The following LY75 variants were observed in gnomAD, a reference collection of about 807,000 sequenced individuals.
LY75 encodes lymphocyte antigen 75.
Under a neutral mutation model 231.7 loss-of-function variants are expected in LY75, and 185 were observed. That is an observed-to-expected ratio of 0.80 (90% CI 0.71 to 0.90). LY75 has a LOEUF of 0.90. LY75 is among the 40% of genes least tolerant of loss of function. The probability of loss-of-function intolerance (pLI) is 0.00; values close to 1 mark genes in which losing one functional copy is unlikely to be tolerated. For missense variants in LY75, 1,947 were observed against 2,050.2 expected, an observed-to-expected ratio of 0.95 and a Z score of 0.97; for synonymous variants, 668 against 689.0, an observed-to-expected ratio of 0.97 and a Z score of 0.48.
intron 14 of LY75, among the ~76,000 whole-genome samples, chr2:159,862,659 C>A (rs1031656092): frequency 3.8e-5 from 5 of 130,774 alleles, no homozygotes; most frequent in African/African-American, 1.3e-4. Flanking sequence ...TTGTATGATA[C>A]GTGAATGTAT....
chr2:159,809,095 A>G (rs1330057145), intron 32 of LY75, among the ~76,000 whole-genome samples: 1 of 152,250 alleles, frequency 6.6e-6, no homozygotes, highest in Non-Finnish European at 1.5e-5. Context: ...ATAAAACCGA[A>G]TGGTTCCCAC....
chr2:159,892,598 C>T (rs1199366363), intron 3 of LY75, among the ~76,000 whole-genome samples: 1 of 152,152 alleles, frequency 6.6e-6, no homozygotes, highest in Non-Finnish European at 1.5e-5. Flanking sequence ...GGAGCTCTTT[C>T]CTTTCTCTTT....
At position 159,877,667 on chromosome 2, in the gene LY75, C is replaced by T. The variant is rs547578463; in HGVS notation, c.1774+657G>A. Among the ~76,000 whole-genome samples the T allele has an allele frequency of 1.0e-3, 158 of 152,068 alleles. 1 individual carries two copies. The highest frequency in any genetic ancestry group is 3.1e-3 in the African/African-American group (129 of 41,450). On this transcript the variant is annotated intron_variant, in intron 11 of 34. Transcript: ENST00000263636. ...GATGGATTACTTGGGGTCAGGAGAT[C>T]GAGACCAGCCTGGCCAACATGTTAA...
In LY75 at chr2:159,878,652, T is replaced by C. The variant is rs775157088; in HGVS notation, c.1585A>G (p.Asn529Asp). Reference protein sequence around the residue: ...EDEVPFGTNCNLTITSRFEQE... With the variant: ...EDEVPFGTNCDLTITSRFEQE... Reference sequence around the variant, plus strand: ...TCACACCTGCTAGTGATAGTCAGATTGCAGTTTGTTCCAAAAGGGACCTCA... The same window carrying C: ...TCACACCTGCTAGTGATAGTCAGATCGCAGTTTGTTCCAAAAGGGACCTCA... The change falls in exon 10 of 35, where the codon AAT becomes GAT. Residue 529 changes from asparagine to aspartate, a missense_variant. Coordinates refer to ENST00000263636, the MANE Select transcript of LY75 (RefSeq NM_002349.4). 4 of 1,614,010 alleles carry C rather than the reference T, an allele frequency of 2.5e-6. No homozygotes were observed. Among genetic ancestry groups the C allele is most frequent in the Non-Finnish European group, 2.5e-6 (3 of 1,179,934 alleles).
chr2:159,835,693 C>T (rs1683799646), intron 25 of LY75, 48 bp from the exon 26 acceptor site: 1 of 1,588,014 alleles, frequency 6.3e-7, no homozygotes, highest in Non-Finnish European at 8.5e-7. Flanking sequence ...GATGTTAACC[C>T]TTTGTATTAT....
At chr2:159,821,556 C>T (rs1683289777) in intron 28 of LY75, among the ~76,000 whole-genome samples, 1 of 146,704 alleles carries the variant, frequency 6.8e-6, no homozygotes, top group Non-Finnish European at 1.5e-5. Flanking sequence ...GCAGAGGTAG[C>T]AGTGAGCCAA....
chr2:159,876,499 G>A (rs985395572), intron 11 of LY75, among the ~76,000 whole-genome samples: 1 of 152,032 alleles, frequency 6.6e-6, no homozygotes, highest in South Asian at 2.1e-4. Context: ...ACCCTGAATG[G>A]GTGTGCTATT....
intron 13 of LY75, among the ~76,000 whole-genome samples, chr2:159,866,256 G>A (rs1298215959): frequency 1.3e-5 from 2 of 152,000 alleles, no homozygotes; most frequent in Non-Finnish European, 2.9e-5. Flanking sequence ...TGAATCAAAG[G>A]CTGAAACAAA....
chr2:159,898,274 C>T (rs927567144), intron 2 of LY75, among the ~76,000 whole-genome samples: 4 of 152,072 alleles, frequency 2.6e-5, no homozygotes, highest in Non-Finnish European at 5.9e-5. Flanking sequence ...ACCACTACGC[C>T]TGACCTTTCT....
intron 2 of LY75, 126 bp from the exon 3 acceptor site, chr2:159,894,210 C>T (rs1685842831): frequency 8.3e-7 from 1 of 1,203,202 alleles, no homozygotes; most frequent in Non-Finnish European, 1.1e-6. Flanking sequence ...TGTAGGAATT[C>T]AGAGCATGGG....
chr2:159,853,846 T>C, intron 18 of LY75, 149 bp from the exon 19 acceptor site: 1 of 1,032,734 alleles, frequency 9.7e-7, no homozygotes, highest in East Asian at 2.6e-5. Flanking sequence ...CTAGAACCTT[T>C]TGCCAAAGAG....
At position 159,879,164 on chromosome 2, in the gene LY75, A is replaced by G. The variant is rs545882977; in HGVS notation, c.1515+95T>C. On this transcript the variant is annotated intron_variant, in intron 9 of 34. Transcript: ENST00000263636. The stretch of plus-strand genomic sequence containing the variant: ...TGAACAGAAGCTAGTAGTTTCCTCT[A>G]TTTTATAAGTCTGAGTTATTTAAGT... 7.0e-5 allele frequency: 97 copies of G among 1,379,360 alleles called. 1 individual carries two copies. The East Asian group carries it at 2.1e-3, about 30-fold the overall frequency. The allele number at this position is 1,379,360 out of a possible 1,614,324, so 85.4% of individuals were successfully genotyped here. A position where few individuals can be genotyped will look rare whatever the true frequency, so the allele number is the denominator to read the frequency against.
rs776817023 is a variant in LY75 at position 159,815,524 on chromosome 2, A to C, written c.4430T>G (p.Ile1477Ser). ...EWSDGSTFDY[I>S]PWKGQTSPGN... ...AGGAGATGTTTGGCCTTTCCATGGGATATAGTCAAATGTACTACCATCAGA... is the reference window on the plus strand; with the variant it reads ...AGGAGATGTTTGGCCTTTCCATGGGCTATAGTCAAATGTACTACCATCAGA... The change falls in exon 31 of 35, where the codon ATC becomes AGC. Residue 1477 changes from isoleucine (I) to serine (S), a missense_variant. By Grantham distance (142) the Ile-to-Ser change is moderately radical (BLOSUM62 -2). Coordinates refer to ENST00000263636, the MANE Select transcript of LY75 (RefSeq NM_002349.4). 6.2e-7 allele frequency: 1 copy of C among 1,613,906 alleles called. No homozygotes were observed. The highest frequency in any genetic ancestry group is 1.1e-5 in the South Asian group (1 of 91,060).
intron 15 of LY75, among the ~76,000 whole-genome samples, chr2:159,859,768 T>A (rs1024396788): frequency 9.8e-5 from 15 of 152,308 alleles, no homozygotes; most frequent in Non-Finnish European, 1.3e-4. Context: ...GTGAGATGAA[T>A]ACAGTAACAG....
intron 31 of LY75, chr2:159,812,416 TTG>T (rs1377367421): frequency 6.6e-6 from 1 of 152,120 alleles, no homozygotes; most frequent in Non-Finnish European, 1.5e-5. Context: ...CATTTTGGTT[TTG>T]TTTTGTTTTT....
intron 5 of LY75, among the ~76,000 whole-genome samples, chr2:159,885,758 T>C (rs1685565013): frequency 6.6e-6 from 1 of 152,206 alleles, no homozygotes; most frequent in African/African-American, 2.4e-5. Flanking sequence ...CTAAAGTGGC[T>C]AATTTGAATT....
At chr2:159,829,128 C>T (rs1396083358) in intron 28 of LY75, among the ~76,000 whole-genome samples, 1 of 152,202 alleles carries the variant, frequency 6.6e-6, no homozygotes, top group Non-Finnish European at 1.5e-5. Flanking sequence ...GATGCCATCA[C>T]TACCTACACA....
intron 13 of LY75, among the ~76,000 whole-genome samples, chr2:159,870,232 G>A (rs1007080623): frequency 1.3e-5 from 2 of 152,058 alleles, no homozygotes; most frequent in African/African-American, 2.4e-5. Flanking sequence ...AAGGTGAATC[G>A]CTTGAGCCAG....
chr2:159,812,783 C>T (rs1683001298), intron 31 of LY75, among the ~76,000 whole-genome samples: 1 of 152,148 alleles, frequency 6.6e-6, no homozygotes, highest in African/African-American at 2.4e-5. Context: ...ATCACCACCA[C>T]CCATCTCTAA....
Sources: allele counts gnomAD v4.1 joint callset (sites outside exome capture counted in the v4.1 genomes callset), GRCh38; gene constraint gnomAD v4.1.1; transcripts MANE v1.5; gene names NCBI Gene and HGNC (gene_info 2026-07-23, HGNC 2026-07-21).